The following LCA5 variants were observed in gnomAD, a reference collection of about 807,000 sequenced individuals.
The protein encoded by LCA5 is lebercilin.
Under a neutral mutation model 53.0 loss-of-function variants are expected in LCA5, and 37 were observed. That is an observed-to-expected ratio of 0.70 (90% confidence interval 0.54 to 0.92). LCA5 has a LOEUF of 0.92. LCA5 is among the 40% of genes least tolerant of loss of function. The probability of loss-of-function intolerance (pLI) is 0.00; values close to 1 mark genes in which losing one functional copy is unlikely to be tolerated. For synonymous variants in LCA5, 303 were observed against 282.9 expected (o/e 1.07, Z -0.71); for missense variants, 806 against 790.5 (o/e 1.02, Z -0.23).
In LCA5 at chr6:79,487,613, A is replaced by T. The variant is rs763054638; in HGVS notation, c.1485T>A (p.Phe495Leu). Residue 495 changes from phenylalanine to leucine, a missense_variant, in exon 8 of 8, where the codon TTT becomes TTA. Coordinates refer to ENST00000369846, the MANE Select transcript of LCA5 (RefSeq NM_001122769.3). ...TCTCTGGGGAGTGTAGTTTTGATTC[A>T]AAATCAGGTAACAATGGCAAAACAG... is the stretch of plus-strand genomic sequence containing the variant. Reference protein sequence around the residue: ...KYPVLPLLPDFESKLHSPERS... With the variant: ...KYPVLPLLPDLESKLHSPERS... 1 of 1,614,056 alleles carries T rather than the reference A, an allele frequency of 6.2e-7. No homozygotes were observed. Among genetic ancestry groups the T allele is most frequent in the South Asian group, 1.1e-5 (1 of 91,086 alleles).
intron 2 of LCA5, among the ~76,000 whole-genome samples, chr6:79,518,134 A>G (rs1161259873): frequency 2.6e-5 from 4 of 152,172 alleles, no homozygotes; most frequent in Non-Finnish European, 5.9e-5. Context: ...GCCTATTTCC[A>G]TTCTAGTAAC....
intron 1 of LCA5, among the ~76,000 whole-genome samples, chr6:79,525,909 A>G (rs925468602): frequency 1.3e-5 from 2 of 152,132 alleles, no homozygotes; most frequent in African/African-American, 4.8e-5. Context: ...AAAAGAACTA[A>G]TGTCTGTATT....
Position 79,487,170 on chromosome 6 carries a change from T to C in LCA5, c.1928A>G (p.Asn643Ser). The change falls in exon 8 of 8, where the codon AAT (asparagine) becomes AGT (serine). Residue 643 changes from asparagine (N) to serine (S), a missense_variant. Physicochemically the swap from Asn to Ser is conservative, Grantham distance 46 (BLOSUM62 1). Transcript: ENST00000369846. Reference sequence around the variant, plus strand: ...ATGTTCTTGATCTCTGCTGCCTTTATTCCCAGGGAGAAAATTTAGAGGGTC... The same window carrying C: ...ATGTTCTTGATCTCTGCTGCCTTTACTCCCAGGGAGAAAATTTAGAGGGTC... ...DIDPLNFLPG[N>S]KGSRDQEHDE... is the part of the protein sequence containing the mutation. The C allele has an allele frequency of 1.9e-6, 3 of 1,614,014 alleles. No homozygotes were observed. Among genetic ancestry groups the C allele is most frequent in the Non-Finnish European group, 2.5e-6 (3 of 1,179,914 alleles).
intron 1 of LCA5, among the ~76,000 whole-genome samples, chr6:79,524,001 A>C (rs1284867056): frequency 6.6e-6 from 1 of 152,262 alleles, no homozygotes; most frequent in East Asian, 1.9e-4. Context: ...ACATGCAACC[A>C]CATGTTGGTT....
intron 7 of LCA5, chr6:79,488,659 T>C (rs1442073181): frequency 4.2e-6 from 1 of 238,888 alleles, no homozygotes; most frequent in Non-Finnish European, 8.1e-6. Flanking sequence ...ATACAACTAT[T>C]TAAAGGTATG....
chr6:79,486,832 T>A lies in LCA5; in HGVS notation c.*172A>T. On this transcript the variant is annotated 3_prime_UTR_variant, in exon 8 of 8. Transcript: ENST00000369846. ...AAAGCCTCCTTCATTCTTGGCAAAC[T>A]ATCTATGTGGTGTATGTATGATCTA... The A allele has an allele frequency of 1.9e-6, 1 of 516,454 alleles. No individual in the cohort carries two copies. The highest frequency in any genetic ancestry group is 3.3e-6 in the Non-Finnish European group (1 of 304,646). 32.0% of individuals were successfully genotyped at this position (516,454 alleles called of 1,614,324 possible).
chr6:79,500,037 T>G (rs1290563632), intron 3 of LCA5, among the ~76,000 whole-genome samples: 1 of 151,844 alleles, frequency 6.6e-6, no homozygotes, highest in Non-Finnish European at 1.5e-5. Flanking sequence ...CATCATTTTT[T>G]ATGGCTGCAT....
rs1006764386 is a variant in LCA5 at position 79,513,435 on chromosome 6, T to C, written c.497A>G (p.Asn166Ser). ...GCGTTCTTTGAGTGCTGTAATCTCA[T>C]TGTTATGACGAAATATAAGTTGTGA... Reference protein sequence around the residue: ...EISQLIFRHNNEITALKERLR... With the variant: ...EISQLIFRHNSEITALKERLR... Residue 166 changes from asparagine (N) to serine (S), a missense_variant, in exon 3 of 8, where the codon AAT becomes AGT. Coordinates refer to ENST00000369846, the MANE Select transcript of LCA5 (RefSeq NM_001122769.3). 11 of 1,613,964 alleles carry C rather than the reference T, an allele frequency of 6.8e-6. No individual in the cohort carries two copies. In the Admixed American group the frequency reaches 8.3e-5, roughly 12 times the overall value.
At chr6:79,496,997 A>G (rs1174723356) in intron 3 of LCA5, among the ~76,000 whole-genome samples, 1 of 152,198 alleles carries the variant, frequency 6.6e-6, no homozygotes, top group Non-Finnish European at 1.5e-5. Flanking sequence ...ACTAAAGTTA[A>G]TTGTCATGTT....
intron 2 of LCA5, among the ~76,000 whole-genome samples, chr6:79,514,388 A>AGGG (rs1766363974): frequency 6.6e-6 from 1 of 152,176 alleles, no homozygotes; most frequent in Non-Finnish European, 1.5e-5. Context: ...GTTGTGGAGA[A>AGGG]AAAGGATCGC....
At chr6:79,497,186 A>T (rs1770003147) in intron 3 of LCA5, among the ~76,000 whole-genome samples, 1 of 152,204 alleles carries the variant, frequency 6.6e-6, no homozygotes, top group African/African-American at 2.4e-5. Flanking sequence ...TAAATACCGG[A>T]TCAGAAAAGA....
intron 3 of LCA5, among the ~76,000 whole-genome samples, chr6:79,509,282 C>T (rs535909041): frequency 4.6e-5 from 7 of 152,040 alleles, no homozygotes; most frequent in African/African-American, 1.7e-4. Flanking sequence ...TAGTGAATCC[C>T]GTCTCCACTG....
intron 1 of LCA5, among the ~76,000 whole-genome samples, chr6:79,521,815 C>T (rs1232381927): frequency 6.6e-6 from 1 of 151,984 alleles, no homozygotes; most frequent in Admixed American, 6.6e-5. Flanking sequence ...AGGGAGGAAA[C>T]ACACAAAATA....
intron 1 of LCA5, among the ~76,000 whole-genome samples, chr6:79,533,642 A>T (rs1767021744): frequency 6.6e-6 from 1 of 151,958 alleles, no homozygotes; most frequent in Admixed American, 6.6e-5. Flanking sequence ...GGTCAAAAAA[A>T]AAAAGAAGAT....
intron 1 of LCA5, among the ~76,000 whole-genome samples, chr6:79,520,017 C>T (rs1353734785): frequency 2.0e-5 from 3 of 151,956 alleles, no homozygotes; most frequent in Non-Finnish European, 4.4e-5. Context: ...AGAAAAAGAT[C>T]CCTAGAGTTT....
In LCA5 at chr6:79,493,612, C is replaced by G. The variant is rs753594556; in HGVS notation, c.858+1G>C. On this transcript the variant is annotated splice_donor_variant, in intron 4 of 7. Coordinates refer to ENST00000369846, the MANE Select transcript of LCA5 (RefSeq NM_001122769.3). LOFTEE classifies it high-confidence loss of function. ...AAAACAATGCAATTTAAAATACTTACCTTTAATTTGTGATATAGTCGCTGT... is the reference window on the plus strand; with the variant it reads ...AAAACAATGCAATTTAAAATACTTAGCTTTAATTTGTGATATAGTCGCTGT... 1 of 1,611,250 alleles carries G rather than the reference C, an allele frequency of 6.2e-7. No homozygotes were observed. Among genetic ancestry groups the G allele is most frequent in the Non-Finnish European group, 8.5e-7 (1 of 1,177,640 alleles).
At chr6:79,525,649 A>G (rs971873184) in intron 1 of LCA5, among the ~76,000 whole-genome samples, 8 of 152,364 alleles carry the variant, frequency 5.3e-5, no homozygotes, top group East Asian at 1.9e-4. Context: ...TCGAAATTCA[A>G]CAAGAAAAAG....
chr6:79,493,758 T>C lies in LCA5; in HGVS notation c.721-8A>G, dbSNP rs1204941107. On this transcript the variant is annotated splice_region_variant and splice_polypyrimidine_tract_variant and intron_variant, in intron 3 of 7. Transcript: ENST00000369846. ...AAGGTTTTTCGATAGCTCCTATATG[T>C]ATAAATACATAAAAAGCAGTCCTTT... The C allele has an allele frequency of 3.8e-6, 6 of 1,599,458 alleles. No homozygotes were observed. The highest frequency in any genetic ancestry group is 2.7e-5 in the African/African-American group (2 of 74,274).
intron 7 of LCA5, 83 bp from the exon 8 acceptor site, chr6:79,487,949 A>G: frequency 9.5e-7 from 1 of 1,057,396 alleles, no homozygotes; most frequent in Non-Finnish European, 1.4e-6. Flanking sequence ...TCATAAAACC[A>G]CCATATTTAA....
Sources: gnomAD v4.1 joint callset for allele counts (sites outside exome capture counted in the v4.1 genomes callset) on GRCh38, gnomAD v4.1.1 for gene constraint, MANE v1.5 for transcripts, NCBI Gene and HGNC (gene_info 2026-07-23, HGNC 2026-07-21) for gene names.